LGMN: variants seen among roughly 807,000 people sequenced by gnomAD.
The protein encoded by LGMN is legumain.
LGMN carries 36 observed loss-of-function variants against 56.8 expected under a neutral mutation model. That is an observed-to-expected ratio of 0.63 (90% CI 0.49 to 0.84). The LOEUF (loss-of-function observed/expected upper bound fraction) is 0.84, where lower values mean the gene tolerates loss of function less well. Among genes scored for constraint, LGMN ranks in the 40% least tolerant of loss-of-function variants. The pLI is 0.00. For missense variants in LGMN, 446 were observed against 556.1 expected, an observed-to-expected ratio of 0.80 and a Z score of 1.99; for synonymous variants, 199 against 210.1, an observed-to-expected ratio of 0.95 and a Z score of 0.46.
chr14:92,720,210 T>A (rs1246783015), intron 2 of LGMN, among the ~76,000 whole-genome samples: 1 of 152,244 alleles, frequency 6.6e-6, no homozygotes, highest in Non-Finnish European at 1.5e-5. Context: ...CTTGCTTCTA[T>A]TTGTCCAGCA....
intron 1 of LGMN, chr14:92,741,158 G>C (rs1891536104): frequency 6.6e-6 from 1 of 150,586 alleles, no homozygotes; most frequent in South Asian, 2.1e-4. Context: ...CTGCACTCCA[G>C]CCTGGGCAAC....
chr14:92,731,419 C>G (rs1009664761), intron 2 of LGMN, among the ~76,000 whole-genome samples: 3 of 152,220 alleles, frequency 2.0e-5, no homozygotes, highest in Non-Finnish European at 2.9e-5. Context: ...CATTCTCATT[C>G]CTGCAAAGAG....
At chr14:92,704,910 G>A (rs926207858) in intron 12 of LGMN, 10 of 532,090 alleles carry the variant, frequency 1.9e-5, no homozygotes, top group African/African-American at 1.5e-4. Flanking sequence ...GGGTTTGCAT[G>A]CAAGTTGGGG....
At position 92,719,186 on chromosome 14, in the gene LGMN, CCACCACCGCCACCAA is replaced by C. The variant is rs1566923756; in HGVS notation, c.139-357_139-343del. 5.6e-4 allele frequency among the ~76,000 whole-genome samples: 73 copies of C among 129,638 alleles called. 1 individual carries two copies. Among genetic ancestry groups the C allele is most frequent in the African/African-American group, 2.0e-3 (69 of 34,058 alleles). 85.0% of individuals were successfully genotyped at this position (129,638 alleles called of 152,430 possible). On this transcript the variant is annotated intron_variant, in intron 2 of 13. Coordinates refer to ENST00000334869, the MANE Select transcript of LGMN (RefSeq NM_005606.7). ...ACCACCACCACCACCACCACCATCACCACCACCGCCACCAACACCACCACCGCCACCAACACCACC... is the reference window on the plus strand; with the variant it reads ...ACCACCACCACCACCACCACCATCACCACCACCACCGCCACCAACACCACC...
rs751537415 is a variant in LGMN at position 92,718,848 on chromosome 14, G to A, written c.139-4C>T. ...GGTAGGCATGGCACGCGTCTGCCTGGGAGAAATGATTTGGTGAAGTTTTAG... is the reference window on the plus strand; with the variant it reads ...GGTAGGCATGGCACGCGTCTGCCTGAGAGAAATGATTTGGTGAAGTTTTAG... On this transcript the variant is annotated splice_region_variant and splice_polypyrimidine_tract_variant and intron_variant, in intron 2 of 13. Coordinates refer to ENST00000334869, the MANE Select transcript of LGMN (RefSeq NM_005606.7). 4 of 1,609,428 alleles carry A rather than the reference G, an allele frequency of 2.5e-6. No individual in the cohort carries two copies. Among genetic ancestry groups the A allele is most frequent in the South Asian group, 1.1e-5 (1 of 90,854 alleles).
At chr14:92,723,204 A>G (rs1242114) in intron 2 of LGMN, among the ~76,000 whole-genome samples, 103,935 of 151,864 alleles carry the variant, frequency 0.68, 37,033 homozygotes, top group East Asian at 0.91. Context: ...GCACCACCAC[A>G]CCTGGCTAAT....
intron 13 of LGMN, 58 bp downstream of exon 13, chr14:92,704,582 G>A: frequency 7.2e-7 from 1 of 1,397,864 alleles, no homozygotes; most frequent in Non-Finnish European, 1.0e-6. Context: ...GAGGATGGCA[G>A]CCCCTTCTGC....
intron 2 of LGMN, among the ~76,000 whole-genome samples, chr14:92,719,329 GCCACCGCCATCACCGCCA>G (rs1890322977): frequency 1.4e-4 from 8 of 55,428 alleles, no homozygotes; most frequent in African/African-American, 7.9e-4. Flanking sequence ...CGCCGCCACC[GCCACCGCCATCACCGCCA>G]CCACCACCAA....
rs1261815555 is a variant in LGMN at position 92,714,227 on chromosome 14, CT to C, written c.480+148del. 1.6e-5 allele frequency: 10 copies of C among 629,502 alleles called. No homozygotes were observed. Among genetic ancestry groups the C allele is most frequent in the Non-Finnish European group, 2.8e-6 (1 of 352,690 alleles). 39.0% of individuals were successfully genotyped at this position (629,502 alleles called of 1,614,324 possible). On this transcript the variant is annotated intron_variant, in intron 6 of 13. Transcript: ENST00000334869. The surrounding 1 kb of genome is among the most constrained non-coding windows in gnomAD (Gnocchi z 5.1). ...GAGATGTCCTTGGATAGATTTCAAGCTGCTAAACCTGTCCCCCACTCCCACC... is the reference window on the plus strand; with the variant it reads ...GAGATGTCCTTGGATAGATTTCAAGCGCTAAACCTGTCCCCCACTCCCACC...
At chr14:92,719,431 T>C (rs1447421596) in intron 2 of LGMN, among the ~76,000 whole-genome samples, 1 of 150,804 alleles carries the variant, frequency 6.6e-6, no homozygotes, top group African/African-American at 2.4e-5. Flanking sequence ...TGCCACCACA[T>C]ATATAGGTAA....
chr14:92,745,219 C>T (rs1891766334), intron 1 of LGMN, among the ~76,000 whole-genome samples: 1 of 152,184 alleles, frequency 6.6e-6, no homozygotes. Context: ...GCTTATTTGG[C>T]ATTTGAGTTT....
chr14:92,714,018 T>C lies in LGMN; in HGVS notation c.481-133A>G, dbSNP rs1349179334. Reference sequence around the variant, plus strand: ...CTAGAAGTAATCATGGTGAAGAACATAACCCCAGAATGTCGTCACATGTTT... The same window carrying C: ...CTAGAAGTAATCATGGTGAAGAACACAACCCCAGAATGTCGTCACATGTTT... On this transcript the variant is annotated intron_variant, in intron 6 of 13. Transcript: ENST00000334869. This position sits in a 1 kb window ranked among gnomAD's most constrained non-coding sequence, Gnocchi z 5.1. The C allele has an allele frequency of 5.3e-6, 4 of 750,854 alleles. No individual in the cohort carries two copies. In the South Asian group the frequency reaches 6.0e-5, roughly 11 times the overall value. 46.5% of individuals were successfully genotyped at this position (750,854 alleles called of 1,614,324 possible).
At chr14:92,727,981 C>T (rs1242105) in intron 2 of LGMN, among the ~76,000 whole-genome samples, 118,110 of 152,216 alleles carry the variant, frequency 0.78, 46,661 homozygotes, top group African/African-American at 0.93. Flanking sequence ...GTGTTTGCCA[C>T]TTTCAGAATG....
At chr14:92,723,623 G>A (rs548441389) in intron 2 of LGMN, among the ~76,000 whole-genome samples, 11 of 152,162 alleles carry the variant, frequency 7.2e-5, no homozygotes, top group Non-Finnish European at 1.0e-4. Context: ...AAGACCACAC[G>A]CTGTTTAGCT....
intron 1 of LGMN, chr14:92,741,696 A>C (rs1595566859): frequency 6.6e-6 from 1 of 152,072 alleles, no homozygotes; most frequent in Non-Finnish European, 1.5e-5. Context: ...CTAAAAATAC[A>C]AAAATTACCT....
chr14:92,732,750 G>A lies in LGMN; in HGVS notation c.37C>T (p.Leu13=), dbSNP rs766168628. The A allele has an allele frequency of 6.8e-6, 11 of 1,614,036 alleles. No individual in the cohort carries two copies. The highest frequency in any genetic ancestry group is 9.3e-6 in the Non-Finnish European group (11 of 1,180,030). The part of the protein sequence containing the change: ...WKVAVFLSVA[L]GIGAVPIDDP... ...TCTATAGGAACGGCACCAATGCCCA[G>A]GGCCACACTGAGGAATACAGCTACT... The change falls in exon 2 of 14, where the codon CTG becomes TTG. Residue 13 remains leucine, a synonymous_variant. Coordinates refer to ENST00000334869, the MANE Select transcript of LGMN (RefSeq NM_005606.7).
At chr14:92,747,444 C>A (rs908614333) in intron 1 of LGMN, among the ~76,000 whole-genome samples, 1 of 151,030 alleles carries the variant, frequency 6.6e-6, no homozygotes, top group Non-Finnish European at 1.5e-5. Flanking sequence ...GAGCCGAGAT[C>A]GCACCACTGC....
chr14:92,729,820 G>A (rs914510102), intron 2 of LGMN, among the ~76,000 whole-genome samples: 1 of 152,200 alleles, frequency 6.6e-6, no homozygotes, highest in African/African-American at 2.4e-5. Flanking sequence ...TGGCAGGGAG[G>A]GCTGAGGCAG....
At position 92,718,830 on chromosome 14, in the gene LGMN, A is replaced by G. The variant is rs370972962; in HGVS notation, c.153T>C (p.His51=). ...YNYRHQADAC[H]AYQIIHRNGI... ...CATTGCGGTGAATGATCTGGTAGGC[A>G]TGGCACGCGTCTGCCTGGGAGAAAT... The change falls in exon 3 of 14, where the codon CAT becomes CAC. Residue 51 remains histidine, a synonymous_variant. Coordinates refer to ENST00000334869, the MANE Select transcript of LGMN (RefSeq NM_005606.7). 2 of 1,613,006 alleles carry G rather than the reference A, an allele frequency of 1.2e-6. No homozygotes were observed. Among genetic ancestry groups the G allele is most frequent in the Admixed American group, 1.7e-5 (1 of 60,010 alleles).
Sources: gnomAD v4.1 joint callset for allele counts (sites outside exome capture counted in the v4.1 genomes callset) on GRCh38, gnomAD v4.1.1 for gene constraint, Gnocchi (gnomAD v3.1) non-coding constraint, MANE v1.5 for transcripts, NCBI Gene and HGNC (gene_info 2026-07-23, HGNC 2026-07-21) for gene names.